CAND1: variants seen among roughly 807,000 people sequenced by gnomAD.
CAND1 encodes the protein cullin-associated NEDD8-dissociated protein 1.
CAND1 carries 7 observed loss-of-function variants against 108.5 expected under a neutral mutation model. The ratio of observed to expected loss-of-function variants is 0.06; its 90% CI spans 0.04 to 0.12. The LOEUF is 0.12. Among genes scored for constraint, CAND1 ranks in the 10% least tolerant of loss-of-function variants. The pLI, the probability that CAND1 is intolerant of heterozygous loss-of-function variation, is 1.00. For missense variants in CAND1, 941 were observed against 1,448.7 expected (o/e 0.65, Z 5.69); for synonymous variants, 534 against 512.0 (o/e 1.04, Z -0.58).
chr12:67,287,017 A>G (rs528687158), intron 2 of CAND1, among the ~76,000 whole-genome samples: 23 of 152,322 alleles, frequency 1.5e-4, no homozygotes, highest in Non-Finnish European at 2.9e-4. Context: ...TTATTTGTCT[A>G]TACTTATACC....
chr12:67,305,245 C>T lies in CAND1; in HGVS notation c.1577C>T (p.Ala526Val). 1 of 1,614,166 alleles carries T rather than the reference C, an allele frequency of 6.2e-7. No individual in the cohort carries two copies. Among genetic ancestry groups the T allele is most frequent in the Non-Finnish European group, 8.5e-7 (1 of 1,180,034 alleles). Reference protein sequence around the residue: ...HVQALVPPVVACVGDPFYKIT... With the variant: ...HVQALVPPVVVCVGDPFYKIT... ...CAGGCTTTGGTTCCTCCAGTGGTGGCTTGTGTTGGAGACCCATTTTACAAA... is the reference window on the plus strand; with the variant it reads ...CAGGCTTTGGTTCCTCCAGTGGTGGTTTGTGTTGGAGACCCATTTTACAAA... Residue 526 changes from alanine (A) to valine (V), a missense_variant, in exon 10 of 15, where the codon GCT becomes GTT. By Grantham distance (64) the Ala-to-Val change is moderately conservative (BLOSUM62 0). Around this residue, in one of 9 missense-constraint regions of CAND1, gnomAD observed 697 missense variants for 942.0 expected, o/e 0.74. Transcript: ENST00000545606. The surrounding 1 kb of genome is among the most constrained non-coding windows in gnomAD (Gnocchi z 4.4).
chr12:67,304,199 A>G (rs961690898), intron 8 of CAND1, among the ~76,000 whole-genome samples: 1 of 152,090 alleles, frequency 6.6e-6, no homozygotes, highest in Non-Finnish European at 1.5e-5. Flanking sequence ...CATGTTGGCC[A>G]GAATGGTCTC....
chr12:67,291,623 C>T (rs141809397), intron 2 of CAND1, among the ~76,000 whole-genome samples: 8 of 151,822 alleles, frequency 5.3e-5, no homozygotes, highest in African/African-American at 1.9e-4. Flanking sequence ...ACACATAGCC[C>T]GAAGGTAATT....
chr12:67,302,656 T>C (rs1176810578), intron 8 of CAND1, 41 bp downstream of exon 8: 1 of 1,529,546 alleles, frequency 6.5e-7, no homozygotes, highest in South Asian at 1.2e-5. Flanking sequence ...TGATAGTAAA[T>C]GCAATGCTTT....
intron 11 of CAND1, among the ~76,000 whole-genome samples, chr12:67,308,583 A>G (rs2044913755): frequency 1.3e-5 from 2 of 152,066 alleles, no homozygotes; most frequent in Admixed American, 1.3e-4. Flanking sequence ...GATCTAGTTA[A>G]GTATTCATGA....
intron 13 of CAND1, 113 bp downstream of exon 13, chr12:67,310,429 T>C: frequency 2.7e-6 from 2 of 738,570 alleles, no homozygotes; most frequent in Non-Finnish European, 4.4e-6. Flanking sequence ...TCTGTGAAGA[T>C]TTTGATAAGC....
At chr12:67,270,778 A>G (rs1460498548) in intron 1 of CAND1, 1 of 151,788 alleles carries the variant, frequency 6.6e-6, no homozygotes, top group Non-Finnish European at 1.5e-5. Flanking sequence ...CTAAAAAAAA[A>G]AAAAAAAAGA....
chr12:67,270,152 C>T (rs1267098077), intron 1 of CAND1: 1 of 194,806 alleles, frequency 5.1e-6, no homozygotes, highest in Non-Finnish European at 1.0e-5. Flanking sequence ...GCCGGGAGAC[C>T]GGGCGCCGGG....
rs2136016655 is a variant in CAND1, at chr12:67,305,028, C to A, written c.1436-76C>A. 2 of 1,224,700 alleles carry A rather than the reference C, an allele frequency of 1.6e-6. No homozygotes were observed. The highest frequency in any genetic ancestry group is 2.3e-6 in the Non-Finnish European group (2 of 874,934). The allele number at this position is 1,224,700 out of a possible 1,614,324, so 75.9% of individuals were successfully genotyped here. ...TAATGAAGTGGGAACATTAGCAGTA[C>A]TATAGGGGTTGATTTTTAATTTTTC... On this transcript the variant is annotated intron_variant, in intron 9 of 14. Transcript: ENST00000545606. This position sits in a 1 kb window ranked among gnomAD's most constrained non-coding sequence, Gnocchi z 4.4.
At chr12:67,293,716 G>A (rs372511596) in intron 3 of CAND1, among the ~76,000 whole-genome samples, 6 of 152,200 alleles carry the variant, frequency 3.9e-5, no homozygotes, top group Middle Eastern at 3.4e-3. Context: ...TGGTGCCATT[G>A]CATTCCAGCC....
chr12:67,294,839 G>T (rs975712516), intron 3 of CAND1, 194 bp from the exon 4 acceptor site: 1 of 389,434 alleles, frequency 2.6e-6, no homozygotes, highest in Non-Finnish European at 4.6e-6. Flanking sequence ...TAAATATTTG[G>T]TCTAATTCTT....
At chr12:67,304,893 G>C (rs1458747295) in intron 9 of CAND1, 147 bp downstream of exon 9, 3 of 1,030,020 alleles carry the variant, frequency 2.9e-6, no homozygotes, top group Non-Finnish European at 4.2e-6. Flanking sequence ...TAACAATCTT[G>C]AATACCTGAA....
At chr12:67,297,715 C>G in intron 5 of CAND1, 33 bp from the exon 6 acceptor site, 1 of 1,574,338 alleles carries the variant, frequency 6.4e-7, no homozygotes, top group Non-Finnish European at 8.6e-7. Context: ...AAAATTAATG[C>G]ATGTTTTTAA....
At position 67,305,888 on chromosome 12, in the gene CAND1, A is replaced by T. The variant is rs1259205752; in HGVS notation, c.2220A>T (p.Gly740=). The part of the protein sequence containing the change: ...ISGSILNELI[G]LVRSPLLQGG... Reference sequence around the variant, plus strand: ...GATCCATTCTCAATGAACTTATTGGACTTGTGAGATCACCCTTATTGCAGG... The same window carrying T: ...GATCCATTCTCAATGAACTTATTGGTCTTGTGAGATCACCCTTATTGCAGG... Residue 740 remains glycine (G), a synonymous_variant, in exon 10 of 15, where the codon GGA becomes GGT. Coordinates refer to ENST00000545606, the MANE Select transcript of CAND1 (RefSeq NM_018448.5). The surrounding 1 kb of genome is among the most constrained non-coding windows in gnomAD (Gnocchi z 4.4). 1.2e-6 allele frequency: 2 copies of T among 1,614,058 alleles called. No homozygotes were observed. The highest frequency in any genetic ancestry group is 2.2e-5 in the South Asian group (2 of 91,072).
chr12:67,305,585 T>G lies in CAND1; in HGVS notation c.1917T>G (p.Pro639=). Residue 639 remains proline (P), a synonymous_variant, in exon 10 of 15, where the codon CCT becomes CCG. Transcript: ENST00000545606. This position sits in a 1 kb window ranked among gnomAD's most constrained non-coding sequence, Gnocchi z 4.4. The part of the protein sequence containing the change: ...VKALTLIAGS[P]LKIDLRPVLG... ...CATTGACACTGATTGCTGGGTCACC[T>G]TTGAAGATAGATTTGAGGCCTGTTC... 6.2e-7 allele frequency: 1 copy of G among 1,614,194 alleles called. No individual in the cohort carries two copies. Among genetic ancestry groups the G allele is most frequent in the Non-Finnish European group, 8.5e-7 (1 of 1,180,024 alleles).
chr12:67,310,817 G>T (rs1484590583), intron 13 of CAND1: 1 of 152,012 alleles, frequency 6.6e-6, no homozygotes, highest in East Asian at 1.9e-4. Context: ...TTAATATCAA[G>T]AATTTTGTTA....
intron 11 of CAND1, 136 bp from the exon 12 acceptor site, chr12:67,309,765 G>A (rs2044929174): frequency 1.7e-6 from 1 of 593,912 alleles, no homozygotes; most frequent in Non-Finnish European, 2.9e-6. Flanking sequence ...TGTTTCATCA[G>A]GTTCTTCCCT....
chr12:67,303,595 C>T (rs1167587576), intron 8 of CAND1, among the ~76,000 whole-genome samples: 1 of 151,894 alleles, frequency 6.6e-6, no homozygotes, highest in African/African-American at 2.4e-5. Flanking sequence ...GGTATGTGTC[C>T]ATGTAGTTTG....
intron 7 of CAND1, 30 bp from the exon 8 acceptor site, chr12:67,302,293 T>C: frequency 6.4e-7 from 1 of 1,571,522 alleles, no homozygotes; most frequent in Non-Finnish European, 8.7e-7. Context: ...TTGTCATTAA[T>C]AGCCTGTTTA....
Sources: gnomAD v4.1 joint callset for allele counts (sites outside exome capture counted in the v4.1 genomes callset) on GRCh38, gnomAD v4.1.1 for gene constraint, gnomAD v4.1.1 regional missense constraint, Gnocchi (gnomAD v3.1) non-coding constraint, MANE v1.5 for transcripts, NCBI Gene and HGNC (gene_info 2026-07-23, HGNC 2026-07-21) for gene names.